The following SLTM variants were observed in gnomAD, a reference collection of about 807,000 sequenced individuals.
SLTM encodes the protein SAFB-like transcription modulator.
Under a neutral mutation model 134.6 loss-of-function variants are expected in SLTM, and 43 were observed. The ratio of observed to expected loss-of-function variants is 0.32; its 90% CI spans 0.25 to 0.41. The LOEUF (loss-of-function observed/expected upper bound fraction) is 0.41. Among genes scored for constraint, SLTM ranks in the 10% least tolerant of loss-of-function variants. The pLI, the probability that SLTM is intolerant of heterozygous loss-of-function variation, is 1.00. For synonymous variants in SLTM, 424 were observed against 432.3 expected (o/e 0.98, Z 0.24); for missense variants, 1,055 against 1,288.8 (o/e 0.82, Z 2.78).
chr15:58,885,806 AAC>A (rs2034132731), intron 19 of SLTM, among the ~76,000 whole-genome samples: 1 of 146,512 alleles, frequency 6.8e-6, no homozygotes, highest in African/African-American at 2.5e-5. Flanking sequence ...AACAAAACAA[AAC>A]AAAAAAAACA....
chr15:58,882,938 G>A (rs1490054843), intron 20 of SLTM, among the ~76,000 whole-genome samples: 1 of 152,158 alleles, frequency 6.6e-6, no homozygotes, highest in Non-Finnish European at 1.5e-5. Context: ...GGAGGAAACA[G>A]AACACACTTT....
At chr15:58,910,140 C>T (rs1208522084) in intron 5 of SLTM, among the ~76,000 whole-genome samples, 2 of 151,946 alleles carry the variant, frequency 1.3e-5, no homozygotes, top group Non-Finnish European at 2.9e-5. Flanking sequence ...TTTAGAGATA[C>T]ATATTGAAAA....
At chr15:58,922,353 G>C (rs1292534964) in intron 2 of SLTM, among the ~76,000 whole-genome samples, 2 of 108,242 alleles carry the variant, frequency 1.8e-5, no homozygotes, top group Non-Finnish European at 3.5e-5. Flanking sequence ...CTCCAGTCTG[G>C]GTGACAAGAG....
At chr15:58,904,928 C>T (rs1451834777) in intron 5 of SLTM, among the ~76,000 whole-genome samples, 4 of 152,164 alleles carry the variant, frequency 2.6e-5, no homozygotes, top group Admixed American at 6.5e-5. Context: ...CCAAGATGGT[C>T]TCTAACTCCC....
chr15:58,911,500 C>T (rs1307170351), intron 5 of SLTM, among the ~76,000 whole-genome samples: 5 of 152,246 alleles, frequency 3.3e-5, no homozygotes, highest in East Asian at 1.9e-4. Context: ...TACCAATGGG[C>T]GCTGACTCCC....
chr15:58,924,692 G>A (rs1375970318), intron 2 of SLTM, among the ~76,000 whole-genome samples: 1 of 152,144 alleles, frequency 6.6e-6, no homozygotes, highest in African/African-American at 2.4e-5. Context: ...CTCCTCCAAA[G>A]GCAAATTGGT....
At chr15:58,893,685 C>T in intron 12 of SLTM, 136 bp downstream of exon 12, 3 of 892,066 alleles carry the variant, frequency 3.4e-6, no homozygotes, top group South Asian at 3.6e-5. Flanking sequence ...ATTACTCCTA[C>T]TAGACCTCCT....
At chr15:58,904,230 C>T (rs1245966067) in intron 5 of SLTM, among the ~76,000 whole-genome samples, 1 of 151,780 alleles carries the variant, frequency 6.6e-6, no homozygotes, top group African/African-American at 2.4e-5. Context: ...AGGCTGGTCT[C>T]GAACTCCTGA....
chr15:58,917,026 A>G (rs1450316548), intron 2 of SLTM, 27 bp from the exon 3 acceptor site: 4 of 1,608,238 alleles, frequency 2.5e-6, no homozygotes, highest in South Asian at 2.2e-5. Flanking sequence ...ATGGGCTAAC[A>G]ACCAATATTT....
intron 4 of SLTM, among the ~76,000 whole-genome samples, chr15:58,913,070 C>T (rs1255746900): frequency 2.6e-5 from 4 of 151,986 alleles, no homozygotes; most frequent in Non-Finnish European, 5.9e-5. Context: ...GCTAAGGTAG[C>T]AGAAAGGGGA....
At chr15:58,929,500 T>C (rs1423740990) in intron 2 of SLTM, among the ~76,000 whole-genome samples, 1 of 152,164 alleles carries the variant, frequency 6.6e-6, no homozygotes, top group Non-Finnish European at 1.5e-5. Context: ...CAATATTTAA[T>C]ATATCCTTGG....
intron 17 of SLTM, 103 bp from the exon 18 acceptor site, chr15:58,887,643 T>G: frequency 5.4e-6 from 8 of 1,493,742 alleles, no homozygotes; most frequent in Non-Finnish European, 7.1e-6. Flanking sequence ...AACCAAAAAA[T>G]GAACTTAAGG....
intron 19 of SLTM, among the ~76,000 whole-genome samples, chr15:58,885,794 CAAACA>C (rs1238849743): frequency 2.0e-5 from 3 of 150,420 alleles, no homozygotes; most frequent in Admixed American, 6.6e-5. Flanking sequence ...AAAAAACAAA[CAAACA>C]AAACAAAACA....
intron 14 of SLTM, among the ~76,000 whole-genome samples, chr15:58,891,859 CT>C (rs1431904318): frequency 6.6e-6 from 1 of 151,912 alleles, no homozygotes; most frequent in African/African-American, 2.4e-5. Context: ...GGCATTGCAA[CT>C]TTTTTTAATA....
chr15:58,885,098 G>C (rs938601213), intron 19 of SLTM, among the ~76,000 whole-genome samples: 3 of 152,214 alleles, frequency 2.0e-5, no homozygotes, highest in African/African-American at 7.2e-5. Context: ...ACAACATGCA[G>C]ACAGCACAGC....
chr15:58,895,423 G>C (rs2035007682), intron 9 of SLTM, among the ~76,000 whole-genome samples: 1 of 152,186 alleles, frequency 6.6e-6, no homozygotes, highest in Non-Finnish European at 1.5e-5. Flanking sequence ...AATTGTGTAA[G>C]ATGGTTAGTT....
At chr15:58,901,219 T>A (rs768341168) in intron 6 of SLTM, 41 bp downstream of exon 6, 2 of 1,514,346 alleles carry the variant, frequency 1.3e-6, no homozygotes, top group Non-Finnish European at 1.8e-6. Flanking sequence ...TTACTGTTTT[T>A]CTAAATTTTA....
intron 2 of SLTM, among the ~76,000 whole-genome samples, chr15:58,918,365 G>A (rs143882393): frequency 6.6e-6 from 1 of 152,184 alleles, no homozygotes; most frequent in East Asian, 1.9e-4. Context: ...TCAGGGTAGA[G>A]GTTTAGCCGT....
chr15:58,881,158 C>T (rs1428298328), intron 20 of SLTM, among the ~76,000 whole-genome samples: 5 of 151,916 alleles, frequency 3.3e-5, no homozygotes, highest in Non-Finnish European at 7.4e-5. Context: ...CATGCCAATG[C>T]ACCCCAGCCT....
Sources: gnomAD v4.1 joint callset for allele counts (sites outside exome capture counted in the v4.1 genomes callset) on GRCh38, gnomAD v4.1.1 for gene constraint, MANE v1.5 for transcripts, NCBI Gene and HGNC (gene_info 2026-07-23, HGNC 2026-07-21) for gene names.